PDE8B: variants seen among roughly 807,000 people sequenced by gnomAD.
PDE8B encodes high affinity cAMP-specific and IBMX-insensitive 3',5'-cyclic phosphodiesterase 8B.
A neutral mutation model predicts 101.3 loss-of-function variants in PDE8B; 26 were observed. The ratio of observed to expected loss-of-function variants is 0.26; its 90% CI spans 0.19 to 0.36. The LOEUF (loss-of-function observed/expected upper bound fraction) is 0.36. Among genes scored for constraint, PDE8B ranks in the 10% least tolerant of loss-of-function variants. The pLI is 1.00. For missense variants in PDE8B, 810 were observed against 1,163.1 expected (o/e 0.70, Z 4.42); for synonymous variants, 424 against 429.3 (o/e 0.99, Z 0.15).
the PDE8B span, among the ~76,000 whole-genome samples, chr5:77,104,258 C>T: frequency 6.6e-6 from 1 of 152,182 alleles, no homozygotes; most frequent in Non-Finnish European, 1.5e-5. Flanking sequence ...TACATGTTTG[C>T]CGGGAGGGAG....
rs1798203956 is a variant in PDE8B at position 77,426,673 on chromosome 5, A to G, written c.*119A>G. The G allele has an allele frequency of 1.4e-6, 1 of 712,190 alleles. No homozygotes were observed. The highest frequency in any genetic ancestry group is 1.8e-5 in the African/African-American group (1 of 56,838). The allele number at this position is 712,190 out of a possible 1,614,324, so 44.1% of individuals were successfully genotyped here. ...GGTATTGGTGAAGGAGCTAATGTTT[A>G]ATATTTGACCTTGAATCATTCAAGT... On this transcript the variant is annotated 3_prime_UTR_variant, in exon 22 of 22. Coordinates refer to ENST00000264917, the MANE Select transcript of PDE8B (RefSeq NM_003719.5).
chr5:77,403,312 G>C (rs951527579), intron 11 of PDE8B, among the ~76,000 whole-genome samples: 3 of 152,114 alleles, frequency 2.0e-5, no homozygotes, highest in African/African-American at 7.2e-5. Context: ...AAGGGTGAAG[G>C]TTTAGTTATT....
chr5:77,204,050 G>GTT, the PDE8B span, among the ~76,000 whole-genome samples: 1,230 of 113,540 alleles, frequency 0.011, 26 homozygotes, highest in South Asian at 0.044. Flanking sequence ...TGTACCCTTA[G>GTT]TTTTTTTTTT....
chr5:77,420,412 C>T (rs1288634360), intron 19 of PDE8B, among the ~76,000 whole-genome samples: 1 of 132,896 alleles, frequency 7.5e-6, no homozygotes, highest in Middle Eastern at 3.8e-3. Flanking sequence ...AAGGTCCTTA[C>T]CAATTTGGCT....
chr5:77,180,062 T>C, the PDE8B span, among the ~76,000 whole-genome samples: 1 of 152,064 alleles, frequency 6.6e-6, no homozygotes, highest in African/African-American at 2.4e-5. Flanking sequence ...GAGAGGAAAG[T>C]GGAGACCTGT....
At chr5:77,311,903 G>C in intron 1 of PDE8B, 91 bp from the exon 2 acceptor site, 1 of 990,122 alleles carries the variant, frequency 1.0e-6, no homozygotes, top group Middle Eastern at 2.0e-4. Context: ...TAGTGCACAC[G>C]GTGGCATAAT....
At chr5:77,262,873 A>G (rs1395376895) in intron 1 of PDE8B, among the ~76,000 whole-genome samples, 1 of 152,112 alleles carries the variant, frequency 6.6e-6, no homozygotes, top group Non-Finnish European at 1.5e-5. Context: ...CCACTTAAGC[A>G]CTCTCAACTG....
chr5:77,293,943 AT>A (rs1561482701), intron 1 of PDE8B, among the ~76,000 whole-genome samples: 1 of 152,210 alleles, frequency 6.6e-6, no homozygotes. Flanking sequence ...TATGTTGGAT[AT>A]AAGTCCGGTA....
In PDE8B at chr5:77,364,222, C is replaced by G. The variant is rs530228515; in HGVS notation, c.1167+10816C>G. Among the ~76,000 whole-genome samples the G allele has an allele frequency of 2.0e-5, 3 of 152,322 alleles. No homozygotes were observed. The East Asian group carries it at 5.8e-4, about 29-fold the overall frequency. On this transcript the variant is annotated intron_variant, in intron 10 of 21. Transcript: ENST00000264917. Reference sequence around the variant, plus strand: ...GTAAATGGAGTAGTAAATGTCAGCTCTGACTGCAGCATTTCAGTTCAGCTT... The same window carrying G: ...GTAAATGGAGTAGTAAATGTCAGCTGTGACTGCAGCATTTCAGTTCAGCTT...
chr5:77,107,481 AT>A, the PDE8B span, among the ~76,000 whole-genome samples: 152 of 151,790 alleles, frequency 1.0e-3, no homozygotes, highest in Middle Eastern at 0.01. Flanking sequence ...TAGTTTTATT[AT>A]TTTTTTTGTC....
the PDE8B span, among the ~76,000 whole-genome samples, chr5:77,178,731 C>T: frequency 5.3e-5 from 8 of 152,156 alleles, no homozygotes; most frequent in Non-Finnish European, 1.0e-4. Context: ...ACTCTGAAAG[C>T]GGCAATCAAT....
chr5:77,156,224 T>A, the PDE8B span, among the ~76,000 whole-genome samples: 1 of 152,156 alleles, frequency 6.6e-6, no homozygotes, highest in African/African-American at 2.4e-5. Context: ...GTGGATAATG[T>A]TCATGTAGCT....
At chr5:77,314,705 G>A (rs1477925899) in intron 2 of PDE8B, among the ~76,000 whole-genome samples, 1 of 151,402 alleles carries the variant, frequency 6.6e-6, no homozygotes, top group Non-Finnish European at 1.5e-5. Flanking sequence ...TTCTTCTCTT[G>A]CCGAATTGCC....
At chr5:77,176,672 G>A in the PDE8B span, among the ~76,000 whole-genome samples, 3 of 152,196 alleles carry the variant, frequency 2.0e-5, no homozygotes, top group Non-Finnish European at 2.9e-5. Flanking sequence ...GAGCAGTGAT[G>A]CAATAATGGA....
At chr5:77,127,779 G>A in the PDE8B span, among the ~76,000 whole-genome samples, 2 of 152,108 alleles carry the variant, frequency 1.3e-5, no homozygotes, top group African/African-American at 2.4e-5. Flanking sequence ...GGCTGACTTT[G>A]CTCTCCTAGA....
At chr5:77,242,615 C>T (rs879659424) in intron 1 of PDE8B, among the ~76,000 whole-genome samples, 1 of 152,158 alleles carries the variant, frequency 6.6e-6, no homozygotes, top group Non-Finnish European at 1.5e-5. Context: ...TCAGCTCCTT[C>T]TGTTAGAAGT....
chr5:77,333,188 G>T (rs1307561252), intron 5 of PDE8B, among the ~76,000 whole-genome samples: 1 of 152,040 alleles, frequency 6.6e-6, no homozygotes, highest in African/African-American at 2.4e-5. Context: ...CTTTTTTCTT[G>T]TCTGTTATCT....
At chr5:77,164,765 A>G in the PDE8B span, among the ~76,000 whole-genome samples, 4 of 152,034 alleles carry the variant, frequency 2.6e-5, no homozygotes, top group African/African-American at 9.7e-5. Flanking sequence ...TGTTGGGGGG[A>G]ACATGTATCT....
At chr5:77,263,292 A>G (rs1195376983) in intron 1 of PDE8B, among the ~76,000 whole-genome samples, 1 of 152,232 alleles carries the variant, frequency 6.6e-6, no homozygotes, top group Non-Finnish European at 1.5e-5. Flanking sequence ...TTTTATTCCA[A>G]TGCTGATCTT....
Sources: allele counts gnomAD v4.1 joint callset (sites outside exome capture counted in the v4.1 genomes callset), GRCh38; gene constraint gnomAD v4.1.1; transcripts MANE v1.5; gene names NCBI Gene and HGNC (gene_info 2026-07-23, HGNC 2026-07-21).